Variants in CHRNA1 observed in about 807,000 individuals in gnomAD.
The protein encoded by CHRNA1 is acetylcholine receptor subunit alpha.
CHRNA1 carries 35 observed loss-of-function variants against 47.1 expected under a neutral mutation model. The observed-to-expected ratio is 0.74, with a 90% CI of 0.57 to 0.99. CHRNA1 has a LOEUF of 0.99. CHRNA1 is among the 50% of genes least tolerant of loss of function. The pLI is 0.00. For missense variants in CHRNA1, 506 were observed against 591.1 expected, an observed-to-expected ratio of 0.86 and a Z score of 1.49; for synonymous variants, 229 against 223.6, an observed-to-expected ratio of 1.02 and a Z score of -0.22.
At chr2:174,753,202 C>T (rs528070284) in intron 6 of CHRNA1, 4 of 599,624 alleles carry the variant, frequency 6.7e-6, no homozygotes, top group Non-Finnish European at 1.2e-5. Flanking sequence ...CTTCTGGGCA[C>T]ACAGTTGGTA....
chr2:174,750,958 A>G (rs936525564), intron 6 of CHRNA1, among the ~76,000 whole-genome samples: 2 of 152,186 alleles, frequency 1.3e-5, no homozygotes, highest in African/African-American at 4.8e-5. Context: ...GCAGCCCAGA[A>G]GTACACATAT....
intron 6 of CHRNA1, among the ~76,000 whole-genome samples, chr2:174,750,482 T>C (rs940169759): frequency 1.3e-5 from 2 of 152,068 alleles, no homozygotes; most frequent in South Asian, 2.1e-4. Flanking sequence ...AGAAACCAAC[T>C]CTACTGGCAC....
rs79539026 is a variant in CHRNA1, at chr2:174,747,906, G to T, written c.*218C>A. 1 of 574,566 alleles carries T rather than the reference G, an allele frequency of 1.7e-6. No homozygotes were observed. Among genetic ancestry groups the T allele is most frequent in the Non-Finnish European group, 3.1e-6 (1 of 326,074 alleles). The allele number at this position is 574,566 out of a possible 1,614,324, so 35.6% of individuals were successfully genotyped here. On this transcript the variant is annotated 3_prime_UTR_variant, in exon 9 of 9. Transcript: ENST00000348749. Reference sequence around the variant, plus strand: ...TGATTAGTTTCATTTACTAAAGAGGGTTCACTCTTCAGGGAGACAGCAGAA... The same window carrying T: ...TGATTAGTTTCATTTACTAAAGAGGTTTCACTCTTCAGGGAGACAGCAGAA...
intron 1 of CHRNA1, among the ~76,000 whole-genome samples, chr2:174,763,865 G>T (rs1388367537): frequency 2.0e-5 from 3 of 151,918 alleles, no homozygotes; most frequent in East Asian, 1.9e-4. Flanking sequence ...ATTATTAACT[G>T]GTTTCTATCT....
At chr2:174,756,758 T>C (rs998779506) in intron 4 of CHRNA1, among the ~76,000 whole-genome samples, 1 of 152,196 alleles carries the variant, frequency 6.6e-6, no homozygotes. Flanking sequence ...AGGTATCGTT[T>C]TCATCCACTA....
intron 1 of CHRNA1, among the ~76,000 whole-genome samples, chr2:174,762,334 C>T (rs1265889745): frequency 6.6e-6 from 1 of 152,138 alleles, no homozygotes; most frequent in Non-Finnish European, 1.5e-5. Flanking sequence ...TTCAACGAAT[C>T]ACAGTAAATA....
chr2:174,759,640 C>G lies in CHRNA1; in HGVS notation c.44-7G>C, dbSNP rs754789212. 2 of 1,612,584 alleles carry G rather than the reference C, an allele frequency of 1.2e-6. No individual in the cohort carries two copies. Among genetic ancestry groups the G allele is most frequent in the Non-Finnish European group, 1.7e-6 (2 of 1,179,898 alleles). On this transcript the variant is annotated splice_region_variant and splice_polypyrimidine_tract_variant and intron_variant, in intron 1 of 8. Coordinates refer to ENST00000348749, the MANE Select transcript of CHRNA1 (RefSeq NM_000079.4). The stretch of plus-strand genomic sequence containing the variant: ...GAGCCCAGGACGAGGCCAGCTGAGA[C>G]AGCAGATGACACCAACACTGTCAGA...
At chr2:174,758,277 T>C (rs1037130974) in intron 3 of CHRNA1, among the ~76,000 whole-genome samples, 3 of 151,990 alleles carry the variant, frequency 2.0e-5, no homozygotes, top group African/African-American at 4.8e-5. Context: ...GGCGTGGTGG[T>C]AGGCGCCTGT....
intron 3 of CHRNA1, chr2:174,758,111 A>G: frequency 1.3e-6 from 2 of 1,594,532 alleles, no homozygotes; most frequent in South Asian, 2.2e-5. Flanking sequence ...ATATTTTTCT[A>G]CATTATAAAA....
At position 174,753,705 on chromosome 2, in the gene CHRNA1, C is replaced by G; in HGVS notation, c.576G>C (p.Glu192Asp). Residue 192 changes from glutamate to aspartate, a missense_variant, in exon 6 of 9, where the codon GAG becomes GAC. Physicochemically the swap from Glu to Asp is conservative, Grantham distance 45. Transcript: ENST00000348749. ...SDQPDLSNFMESGEWVIKESR... is the reference protein window; with the variant it reads ...SDQPDLSNFMDSGEWVIKESR... ...ACTCCTTGATCACCCACTCCCCGCT[C>G]TCCATGAAGTTGCTCAGGTCTGGCT... The G allele has an allele frequency of 1.2e-6, 2 of 1,614,090 alleles. No homozygotes were observed. Among genetic ancestry groups the G allele is most frequent in the Non-Finnish European group, 1.7e-6 (2 of 1,180,014 alleles).
chr2:174,749,881 G>T, intron 7 of CHRNA1, 65 bp downstream of exon 7: 2 of 1,386,674 alleles, frequency 1.4e-6, no homozygotes, highest in Non-Finnish European at 2.0e-6. Flanking sequence ...AAACCCACTG[G>T]CTCCTCGAAG....
intron 6 of CHRNA1, among the ~76,000 whole-genome samples, chr2:174,750,907 G>A (rs1683835281): frequency 6.6e-6 from 1 of 152,070 alleles, no homozygotes; most frequent in Non-Finnish European, 1.5e-5. Flanking sequence ...CTCATAAAAC[G>A]GAACCACCCC....
At chr2:174,753,020 G>C (rs1403113858) in intron 6 of CHRNA1, 3 of 233,750 alleles carry the variant, frequency 1.3e-5, no homozygotes, top group Non-Finnish European at 2.6e-5. Flanking sequence ...TTGGGAAGTA[G>C]GGTCTTGTGT....
At chr2:174,763,113 T>C (rs1413296122) in intron 1 of CHRNA1, among the ~76,000 whole-genome samples, 2 of 152,196 alleles carry the variant, frequency 1.3e-5, no homozygotes, top group Non-Finnish European at 2.9e-5. Flanking sequence ...GATCTAGCTC[T>C]AAATTTCTAT....
intron 4 of CHRNA1, among the ~76,000 whole-genome samples, chr2:174,755,544 G>A (rs1434571910): frequency 4.0e-5 from 6 of 151,556 alleles, no homozygotes; most frequent in South Asian, 4.2e-4. Context: ...CTCAGCTCCC[G>A]AGTAGCTGGG....
At chr2:174,758,238 G>A (rs375379689) in intron 3 of CHRNA1, among the ~76,000 whole-genome samples, 5 of 152,160 alleles carry the variant, frequency 3.3e-5, no homozygotes, top group South Asian at 4.2e-4. Context: ...GTGAAACCTC[G>A]TCTCTATTAA....
intron 4 of CHRNA1, among the ~76,000 whole-genome samples, chr2:174,755,927 C>G (rs1683973712): frequency 1.3e-5 from 2 of 151,874 alleles, no homozygotes; most frequent in South Asian, 4.2e-4. Flanking sequence ...GTACCAGCTA[C>G]CTGGGAGGTT....
chr2:174,754,137 C>T, intron 5 of CHRNA1, 82 bp downstream of exon 5: 1 of 1,269,642 alleles, frequency 7.9e-7, no homozygotes, highest in African/African-American at 1.5e-5. Flanking sequence ...GTACTGAGAG[C>T]CTATGATTGT....
chr2:174,761,117 A>G (rs539041138), intron 1 of CHRNA1, among the ~76,000 whole-genome samples: 22 of 152,260 alleles, frequency 1.4e-4, no homozygotes, highest in African/African-American at 5.3e-4. Context: ...GTGTGTTGTG[A>G]GCTGTCCTGG....
Sources: gnomAD v4.1 joint callset for allele counts (sites outside exome capture counted in the v4.1 genomes callset) on GRCh38, gnomAD v4.1.1 for gene constraint, MANE v1.5 for transcripts, NCBI Gene and HGNC (gene_info 2026-07-23, HGNC 2026-07-21) for gene names.